The following CMAS variants were observed in gnomAD, a reference collection of about 807,000 sequenced individuals.
CMAS encodes N-acylneuraminate cytidylyltransferase.
In CMAS, 21 loss-of-function variants were observed where a neutral mutation model predicts 53.4. That is an observed-to-expected ratio of 0.39 (90% CI 0.28 to 0.57). The LOEUF (loss-of-function observed/expected upper bound fraction) is 0.57, where lower values mean the gene tolerates loss of function less well. Among genes scored for constraint, CMAS ranks in the 20% least tolerant of loss-of-function variants. CMAS has a pLI of 0.56. For missense variants in CMAS, 384 were observed against 534.9 expected (o/e 0.72, Z 2.78); for synonymous variants, 189 against 195.2 (o/e 0.97, Z 0.27).
chr12:22,065,477 G>A lies in CMAS; in HGVS notation c.*166G>A. 1.8e-6 allele frequency: 1 copy of A among 569,286 alleles called. No homozygotes were observed. Among genetic ancestry groups the A allele is most frequent in the Non-Finnish European group, 3.1e-6 (1 of 325,166 alleles). The allele number at this position is 569,286 out of a possible 1,614,324, so 35.3% of individuals were successfully genotyped here. On this transcript the variant is annotated 3_prime_UTR_variant, in exon 8 of 8. Transcript: ENST00000229329. ...TCTCTTTACGCAAGATAATTATTTAGAGACTGATTACAGTCTTTCTCAGAT... is the reference window on the plus strand; with the variant it reads ...TCTCTTTACGCAAGATAATTATTTAAAGACTGATTACAGTCTTTCTCAGAT...
chr12:22,062,566 C>A, intron 7 of CMAS, 132 bp downstream of exon 7: 1 of 882,884 alleles, frequency 1.1e-6, no homozygotes, highest in Non-Finnish European at 1.8e-6. Flanking sequence ...TTAACAAACA[C>A]TGCTGATCAA....
intron 7 of CMAS, among the ~76,000 whole-genome samples, chr12:22,064,102 A>C (rs1014260431): frequency 1.3e-5 from 2 of 152,196 alleles, no homozygotes; most frequent in Non-Finnish European, 2.9e-5. Context: ...AAACGATTCA[A>C]ATTTCAACAC....
At chr12:22,064,274 A>C (rs768213843) in intron 7 of CMAS, among the ~76,000 whole-genome samples, 1 of 152,144 alleles carries the variant, frequency 6.6e-6, no homozygotes, top group Non-Finnish European at 1.5e-5. Context: ...AATGCATCCT[A>C]TTCCAAAAAA....
At chr12:22,059,147 T>C (rs1285279762) in intron 4 of CMAS, among the ~76,000 whole-genome samples, 6 of 119,740 alleles carry the variant, frequency 5.0e-5, no homozygotes, top group Non-Finnish European at 4.9e-5. Context: ...TATATATATA[T>C]ATTTTTTTTT....
At chr12:22,054,619 AT>A (rs34999564) in intron 1 of CMAS, among the ~76,000 whole-genome samples, 6,822 of 145,754 alleles carry the variant, frequency 0.047, 199 homozygotes, top group Middle Eastern at 0.12. Flanking sequence ...AGCCAAGTCC[AT>A]TTTTTTTTTT....
rs1293769537 is a variant in CMAS at position 22,065,397 on chromosome 12, AATGTTACAGAGAGTGTG to A, written c.*89_*105del. ...TTTGATTAAGTAAATTCCATGTTGT[AATGTTACAGAGAGTGTG>A]ATTTGGTTTGTGATATATATATATT... On this transcript the variant is annotated 3_prime_UTR_variant, in exon 8 of 8. Transcript: ENST00000229329. 2.8e-4 allele frequency: 285 copies of A among 1,022,420 alleles called. No individual in the cohort carries two copies. The highest frequency in any genetic ancestry group is 4.0e-4 in the Non-Finnish European group (274 of 680,528). 63.3% of individuals were successfully genotyped at this position (1,022,420 alleles called of 1,614,324 possible). A position where few individuals can be genotyped will look rare whatever the true frequency, so the allele number is the denominator to read the frequency against.
rs1203336805 is a variant in CMAS at position 22,058,553 on chromosome 12, C to G, written c.560-14C>G. On this transcript the variant is annotated splice_polypyrimidine_tract_variant and intron_variant, in intron 3 of 7. Coordinates refer to ENST00000229329, the MANE Select transcript of CMAS (RefSeq NM_018686.6). Reference sequence around the variant, plus strand: ...TCAGGGCAACGTGGACTTACTCTAACTTTTTGCTTTTAGTTCGTGAAGTGA... The same window carrying G: ...TCAGGGCAACGTGGACTTACTCTAAGTTTTTGCTTTTAGTTCGTGAAGTGA... The G allele has an allele frequency of 6.2e-7, 1 of 1,606,286 alleles. No homozygotes were observed. Among genetic ancestry groups the G allele is most frequent in the Non-Finnish European group, 8.5e-7 (1 of 1,177,046 alleles).
rs764788165 is a variant in CMAS, at chr12:22,046,447, A to C, written c.144A>C (p.Leu48=). 2.5e-6 allele frequency: 4 copies of C among 1,609,914 alleles called. No homozygotes were observed. Among genetic ancestry groups the C allele is most frequent in the Non-Finnish European group, 3.4e-6 (4 of 1,178,618 alleles). The change falls in exon 1 of 8, where the codon CTA becomes CTC. Residue 48 remains leucine, a synonymous_variant. Coordinates refer to ENST00000229329, the MANE Select transcript of CMAS (RefSeq NM_018686.6). The stretch of plus-strand genomic sequence containing the variant: ...AGAAGCCCCCGCACCTGGCAGCCCT[A>C]ATTCTGGCCCGGGGAGGCAGCAAAG... ...GVEKPPHLAA[L]ILARGGSKGI... is the part of the protein sequence containing the mutation.
chr12:22,058,536 A>T, intron 3 of CMAS, 31 bp from the exon 4 acceptor site: 1 of 1,599,262 alleles, frequency 6.3e-7, no homozygotes, highest in Non-Finnish European at 8.5e-7. Flanking sequence ...ATTCAGGGCA[A>T]CGTGGACTTA....
In CMAS at chr12:22,061,401, T is replaced by C; in HGVS notation, c.909T>C (p.Tyr303=). Residue 303 remains tyrosine (Y), a synonymous_variant, in exon 6 of 8, where the codon TAT becomes TAC. Transcript: ENST00000229329. The part of the protein sequence containing the change: ...VSGDQKEIIS[Y]DVKDAIGISL... The stretch of plus-strand genomic sequence containing the variant: ...GAGACCAAAAAGAAATAATATCTTA[T>C]GATGTAAAAGATGCTATTGGGATAA... 6.2e-7 allele frequency: 1 copy of C among 1,607,204 alleles called. No individual in the cohort carries two copies.
chr12:22,047,596 A>G (rs1157064572), intron 1 of CMAS, among the ~76,000 whole-genome samples: 1 of 152,180 alleles, frequency 6.6e-6, no homozygotes, highest in Non-Finnish European at 1.5e-5. Context: ...AATTTTCTTA[A>G]TGTTTCAACC....
intron 1 of CMAS, among the ~76,000 whole-genome samples, chr12:22,051,735 A>G (rs1176375156): frequency 6.6e-6 from 1 of 152,240 alleles, no homozygotes; most frequent in Non-Finnish European, 1.5e-5. Flanking sequence ...AACATAACAT[A>G]CAAATTAGAC....
At chr12:22,057,268 C>A (rs183156121) in intron 3 of CMAS, among the ~76,000 whole-genome samples, 2 of 147,350 alleles carry the variant, frequency 1.4e-5, no homozygotes, top group Non-Finnish European at 3.0e-5. Context: ...CACACACACA[C>A]ACACACAGAT....
At chr12:22,058,201 C>T (rs528051332) in intron 3 of CMAS, among the ~76,000 whole-genome samples, 32 of 150,924 alleles carry the variant, frequency 2.1e-4, no homozygotes, top group East Asian at 1.2e-3. Context: ...CCGAGGTGGG[C>T]GGATCACGAG....
chr12:22,052,581 G>A (rs1209188244), intron 1 of CMAS, among the ~76,000 whole-genome samples: 1 of 152,020 alleles, frequency 6.6e-6, no homozygotes, highest in Non-Finnish European at 1.5e-5. Flanking sequence ...TGCCTTCCCT[G>A]TTTATTTTTT....
chr12:22,058,743 A>G (rs755350261), intron 4 of CMAS, 43 bp downstream of exon 4: 8 of 1,591,888 alleles, frequency 5.0e-6, no homozygotes, highest in South Asian at 1.1e-5. Context: ...GCGCTTTTGT[A>G]GGCATACTTT....
rs71053372 is a variant in CMAS, at chr12:22,057,240, TACACAC to T, written c.560-1297_560-1292del. Reference sequence around the variant, plus strand: ...TAACCAGCTATTACACACACACACATACACACACACACACACACACACACACACACA... The same window carrying T: ...TAACCAGCTATTACACACACACACATACACACACACACACACACACACACA... On this transcript the variant is annotated intron_variant, in intron 3 of 7. Transcript: ENST00000229329. 2.7e-3 allele frequency among the ~76,000 whole-genome samples: 321 copies of T among 118,060 alleles called. 3 individuals carry two copies. The East Asian group carries it at 0.038, about 14-fold the overall frequency. The allele number at this position is 118,060 out of a possible 152,430, so 77.5% of individuals were successfully genotyped here.
At chr12:22,049,870 A>G (rs1056719388) in intron 1 of CMAS, among the ~76,000 whole-genome samples, 1 of 151,462 alleles carries the variant, frequency 6.6e-6, no homozygotes, top group Non-Finnish European at 1.5e-5. Flanking sequence ...GGACCACTGC[A>G]CTCTAGCCTG....
chr12:22,055,436 T>C lies in CMAS; in HGVS notation c.404-19T>C. 6.4e-7 allele frequency: 1 copy of C among 1,561,758 alleles called. No homozygotes were observed. Among genetic ancestry groups the C allele is most frequent in the South Asian group, 1.2e-5 (1 of 82,792 alleles). On this transcript the variant is annotated intron_variant, in intron 2 of 7. Transcript: ENST00000229329. Reference sequence around the variant, plus strand: ...ACTTTTTTTTTAAATATCCTTTTCATTTCTCTTGTCTTTTTAAGAGGTTGA... The same window carrying C: ...ACTTTTTTTTTAAATATCCTTTTCACTTCTCTTGTCTTTTTAAGAGGTTGA...
Sources: gnomAD v4.1 joint callset for allele counts (sites outside exome capture counted in the v4.1 genomes callset) on GRCh38, gnomAD v4.1.1 for gene constraint, MANE v1.5 for transcripts, NCBI Gene and HGNC (gene_info 2026-07-23, HGNC 2026-07-21) for gene names.